PRICKLE1: variants seen among roughly 807,000 people sequenced by gnomAD.
PRICKLE1 encodes the protein prickle planar cell polarity protein 1.
A neutral mutation model predicts 70.2 loss-of-function variants in PRICKLE1; 14 were observed. The observed-to-expected ratio is 0.20, with a 90% confidence interval of 0.13 to 0.31. The LOEUF (loss-of-function observed/expected upper bound fraction) is 0.31, where lower values mean the gene tolerates loss of function less well. Ranked by LOEUF, PRICKLE1 falls within the 10% of genes least tolerant of loss-of-function variation. PRICKLE1 has a pLI of 1.00. For missense variants in PRICKLE1, 821 were observed against 1,026.2 expected, an observed-to-expected ratio of 0.80 and a Z score of 2.73; for synonymous variants, 357 against 379.9, an observed-to-expected ratio of 0.94 and a Z score of 0.70.
intron 1 of PRICKLE1, among the ~76,000 whole-genome samples, chr12:42,517,608 G>A (rs774875108): frequency 3.9e-4 from 59 of 151,924 alleles, no homozygotes; most frequent in Non-Finnish European, 7.9e-4. Context: ...CACCGCACCT[G>A]GCCCAGTCTG....
intron 1 of PRICKLE1, among the ~76,000 whole-genome samples, chr12:42,499,427 A>AT (rs550884637): frequency 0.18 from 25,808 of 144,366 alleles, 2,866 homozygotes; most frequent in African/African-American, 0.32. Flanking sequence ...TAAATCTAGA[A>AT]TTTTTTTTTT....
chr12:42,516,288 C>G (rs146678382), intron 1 of PRICKLE1, among the ~76,000 whole-genome samples: 1 of 152,076 alleles, frequency 6.6e-6, no homozygotes, highest in East Asian at 1.9e-4. Flanking sequence ...CCCACCACCA[C>G]GCCTGGCTAA....
chr12:42,476,005 G>A (rs1243362134), intron 1 of PRICKLE1, among the ~76,000 whole-genome samples: 1 of 150,104 alleles, frequency 6.7e-6, no homozygotes, highest in Non-Finnish European at 1.5e-5. Context: ...GAGGCTGAGG[G>A]AGGAGAATTG....
chr12:42,461,572 C>G (rs1346552010), intron 7 of PRICKLE1, among the ~76,000 whole-genome samples: 1 of 152,196 alleles, frequency 6.6e-6, no homozygotes, highest in East Asian at 1.9e-4. Flanking sequence ...AAAGGGCTAT[C>G]GAGCCCATTA....
intron 1 of PRICKLE1, among the ~76,000 whole-genome samples, chr12:42,500,709 A>C (rs1164062176): frequency 1.3e-5 from 2 of 151,714 alleles, no homozygotes; most frequent in Non-Finnish European, 2.9e-5. Context: ...CAAATGAAAA[A>C]AAAGCAATAG....
At position 42,459,874 on chromosome 12, in the gene PRICKLE1, C is replaced by T. The variant is rs751446088; in HGVS notation, c.2431G>A (p.Gly811Ser). ...PPSALPTPQF[G>S]QRTTKSKKKK... ...TTCTTGGATTTTGTTGTCCTCTGACCAAACTGAGGGGTGGGAAGTGCAGAT... is the reference window on the plus strand; with the variant it reads ...TTCTTGGATTTTGTTGTCCTCTGACTAAACTGAGGGGTGGGAAGTGCAGAT... Residue 811 changes from glycine (G) to serine (S), a missense_variant, in exon 8 of 8, where the codon GGT (glycine) becomes AGT (serine). Coordinates refer to ENST00000345127, the MANE Select transcript of PRICKLE1 (RefSeq NM_153026.3). 1.2e-6 allele frequency: 2 copies of T among 1,613,926 alleles called. No individual in the cohort carries two copies. Among genetic ancestry groups the T allele is most frequent in the Admixed American group, 3.3e-5 (2 of 59,998 alleles).
chr12:42,480,975 G>A (rs1057346141), intron 1 of PRICKLE1, among the ~76,000 whole-genome samples: 1 of 152,162 alleles, frequency 6.6e-6, no homozygotes, highest in Non-Finnish European at 1.5e-5. Context: ...AACCTGAGAG[G>A]GGCCAATTAG....
At position 42,464,306 on chromosome 12, in the gene PRICKLE1, C is replaced by T; in HGVS notation, c.1639+89G>A. 1.3e-6 allele frequency: 2 copies of T among 1,498,976 alleles called. No individual in the cohort carries two copies. Among genetic ancestry groups the T allele is most frequent in the Middle Eastern group, 1.8e-4 (1 of 5,710 alleles). 92.9% of individuals were successfully genotyped at this position (1,498,976 alleles called of 1,614,324 possible). Reference sequence around the variant, plus strand: ...ATAGTGCTGGAATTATAGGCATGAGCCACTGCGCCTGGCTTGAATTGCAAT... The same window carrying T: ...ATAGTGCTGGAATTATAGGCATGAGTCACTGCGCCTGGCTTGAATTGCAAT... On this transcript the variant is annotated intron_variant, in intron 7 of 7. Transcript: ENST00000345127. This position sits in a 1 kb window ranked among gnomAD's most constrained non-coding sequence, Gnocchi z 4.2.
intron 1 of PRICKLE1, among the ~76,000 whole-genome samples, chr12:42,581,615 C>T (rs1940901528): frequency 1.3e-5 from 2 of 151,866 alleles, no homozygotes; most frequent in African/African-American, 2.4e-5. Flanking sequence ...GGCGTGGTGG[C>T]ATATGCCTGT....
chr12:42,564,431 A>G (rs1484447439), intron 1 of PRICKLE1, among the ~76,000 whole-genome samples: 2 of 151,386 alleles, frequency 1.3e-5, no homozygotes, highest in Non-Finnish European at 2.9e-5. Context: ...ACATGGTGAA[A>G]CTCTGTCTCT....
At chr12:42,551,875 T>C (rs1241795219) in intron 1 of PRICKLE1, among the ~76,000 whole-genome samples, 2 of 151,876 alleles carry the variant, frequency 1.3e-5, no homozygotes, top group Non-Finnish European at 2.9e-5. Flanking sequence ...GGGAAGCAGC[T>C]GATCCACACC....
chr12:42,517,673 C>T (rs552227869), intron 1 of PRICKLE1, among the ~76,000 whole-genome samples: 80 of 152,158 alleles, frequency 5.3e-4, no homozygotes, highest in African/African-American at 1.7e-3. Flanking sequence ...GTCTTTAAGG[C>T]CATCCTCAAA....
Position 42,547,168 on chromosome 12 carries a change from T to C in PRICKLE1, c.-49+42297A>G, listed in dbSNP as rs530068013. 4.0e-4 allele frequency among the ~76,000 whole-genome samples: 61 copies of C among 152,268 alleles called. 1 individual carries two copies. The highest frequency in any genetic ancestry group is 3.6e-3 in the Admixed American group (55 of 15,292). Reference sequence around the variant, plus strand: ...CCTGATAAATCTTCCTCCTATAACATAGAAACTTAGAATTGGAAGGGTCTT... The same window carrying C: ...CCTGATAAATCTTCCTCCTATAACACAGAAACTTAGAATTGGAAGGGTCTT... On this transcript the variant is annotated intron_variant, in intron 1 of 7. Coordinates refer to ENST00000345127, the MANE Select transcript of PRICKLE1 (RefSeq NM_153026.3).
chr12:42,510,203 TC>T (rs1179145644), intron 1 of PRICKLE1, among the ~76,000 whole-genome samples: 1 of 152,110 alleles, frequency 6.6e-6, no homozygotes. Flanking sequence ...CACGCCATTC[TC>T]CTGCCTCAGC....
chr12:42,560,436 C>T (rs1266668740), intron 1 of PRICKLE1, among the ~76,000 whole-genome samples: 1 of 152,004 alleles, frequency 6.6e-6, no homozygotes, highest in African/African-American at 2.4e-5. Flanking sequence ...ACCCAGCCTC[C>T]TTTAATTATT....
At chr12:42,494,222 G>C (rs1395858352) in intron 1 of PRICKLE1, among the ~76,000 whole-genome samples, 1 of 152,214 alleles carries the variant, frequency 6.6e-6, no homozygotes, top group East Asian at 1.9e-4. Flanking sequence ...GTTGGTAAAG[G>C]TTGGGATGAT....
At chr12:42,560,037 C>T (rs1316278026) in intron 1 of PRICKLE1, among the ~76,000 whole-genome samples, 5 of 151,310 alleles carry the variant, frequency 3.3e-5, no homozygotes, top group Non-Finnish European at 5.9e-5. Context: ...GAACAGGAAC[C>T]AGCTCTTCAA....
At chr12:42,473,203 A>G (rs1263353331) in intron 1 of PRICKLE1, among the ~76,000 whole-genome samples, 1 of 152,266 alleles carries the variant, frequency 6.6e-6, no homozygotes, top group Non-Finnish European at 1.5e-5. Context: ...ACTAAGGGCT[A>G]AAGTCAGTCA....
chr12:42,583,823 C>G (rs1940943295), intron 1 of PRICKLE1, among the ~76,000 whole-genome samples: 1 of 152,160 alleles, frequency 6.6e-6, no homozygotes, highest in Admixed American at 6.5e-5. Flanking sequence ...TATGTGAAAA[C>G]ACCTTCATTA....
Sources: gnomAD v4.1 joint callset for allele counts (sites outside exome capture counted in the v4.1 genomes callset) on GRCh38, gnomAD v4.1.1 for gene constraint, Gnocchi (gnomAD v3.1) non-coding constraint, MANE v1.5 for transcripts, NCBI Gene and HGNC (gene_info 2026-07-23, HGNC 2026-07-21) for gene names.